The following GBF1 variants were observed in gnomAD, a reference collection of about 807,000 sequenced individuals.
GBF1 encodes the protein golgi brefeldin A resistant guanine nucleotide exchange factor 1.
In GBF1, 114 loss-of-function variants were observed where a neutral mutation model predicts 210.5. That is an observed-to-expected ratio of 0.54 (90% CI 0.47 to 0.63). The LOEUF is 0.63. Among genes scored for constraint, GBF1 ranks in the 30% least tolerant of loss-of-function variants. The pLI, the probability that GBF1 is intolerant of heterozygous loss-of-function variation, is 0.00. For missense variants in GBF1, 1,851 were observed against 2,357.7 expected (o/e 0.79, Z 4.45); for synonymous variants, 850 against 889.2 (o/e 0.96, Z 0.78).
At chr10:102,369,600 T>C in intron 24 of GBF1, 111 bp from the exon 25 acceptor site, 2 of 1,040,188 alleles carry the variant, frequency 1.9e-6, no homozygotes, top group Non-Finnish European at 2.9e-6. Flanking sequence ...ATTGGCACAA[T>C]AGCATAGGGG....
intron 3 of GBF1, among the ~76,000 whole-genome samples, chr10:102,331,932 T>C (rs1239781635): frequency 6.9e-6 from 1 of 144,744 alleles, no homozygotes; most frequent in African/African-American, 2.6e-5. Flanking sequence ...CAGTCTTGGC[T>C]CACTGCAACC....
At chr10:102,368,899 A>C in intron 23 of GBF1, 67 bp downstream of exon 23, 1 of 1,075,472 alleles carries the variant, frequency 9.3e-7, no homozygotes, top group Non-Finnish European at 1.4e-6. Context: ...CCATGGATCT[A>C]CCCTTATCAA....
At chr10:102,230,730 G>A in the GBF1 span, 1 of 1,510,022 alleles carries the variant, frequency 6.6e-7, no homozygotes, top group Non-Finnish European at 8.8e-7. Context: ...CGGCCCCGGA[G>A]GACACGGCGG....
intron 29 of GBF1, among the ~76,000 whole-genome samples, chr10:102,373,704 C>T (rs540108506): frequency 1.5e-4 from 23 of 152,342 alleles, no homozygotes; most frequent in African/African-American, 5.3e-4. Context: ...TAAAATGGTA[C>T]AGCTACTCTG....
chr10:102,380,401 C>G (rs773316253), intron 37 of GBF1, 39 bp downstream of exon 37: 8 of 1,576,790 alleles, frequency 5.1e-6, no homozygotes, highest in East Asian at 4.5e-5. Flanking sequence ...CCTCCTGTCC[C>G]ACCTGTTGGA....
intron 3 of GBF1, among the ~76,000 whole-genome samples, chr10:102,284,391 C>T (rs1377510786): frequency 6.6e-6 from 1 of 152,124 alleles, no homozygotes; most frequent in East Asian, 1.9e-4. Flanking sequence ...AAAGGAAATC[C>T]TGTACCCATT....
intron 3 of GBF1, among the ~76,000 whole-genome samples, chr10:102,314,864 A>G (rs772225896): frequency 6.6e-6 from 1 of 152,214 alleles, no homozygotes; most frequent in Non-Finnish European, 1.5e-5. Flanking sequence ...TAATCAGGCA[A>G]GTCTGACATT....
At position 102,262,900 on chromosome 10, in the gene GBF1, G is replaced by C. The variant is rs182877437; in HGVS notation, c.163+2784G>C. 3.3e-5 allele frequency among the ~76,000 whole-genome samples: 5 copies of C among 152,310 alleles called. No individual in the cohort carries two copies. In the East Asian group the frequency reaches 9.6e-4, roughly 29 times the overall value. ...TGTTCAGGAGCCATTTCTCTCATTGGTGGTAGGAACATCTCTGGGTGTTGC... is the reference window on the plus strand; with the variant it reads ...TGTTCAGGAGCCATTTCTCTCATTGCTGGTAGGAACATCTCTGGGTGTTGC... On this transcript the variant is annotated intron_variant, in intron 3 of 39. Transcript: ENST00000369983.
intron 3 of GBF1, among the ~76,000 whole-genome samples, chr10:102,337,588 A>T (rs2057854187): frequency 6.6e-6 from 1 of 152,162 alleles, no homozygotes. Flanking sequence ...GTGGAGACTC[A>T]CGCCTGTAAT....
intron 11 of GBF1, among the ~76,000 whole-genome samples, chr10:102,359,942 C>G (rs2059501943): frequency 6.6e-6 from 1 of 151,834 alleles, no homozygotes; most frequent in Non-Finnish European, 1.5e-5. Flanking sequence ...TTTAAAAAAT[C>G]TTCTGTAGAG....
intron 33 of GBF1, among the ~76,000 whole-genome samples, chr10:102,377,744 C>A (rs1326977321): frequency 6.6e-6 from 1 of 152,152 alleles, no homozygotes; most frequent in African/African-American, 2.4e-5. Context: ...GTTTCCAATC[C>A]ATTCCTGTCC....
the GBF1 span, among the ~76,000 whole-genome samples, chr10:102,238,333 A>G: frequency 6.6e-6 from 1 of 152,320 alleles, no homozygotes; most frequent in East Asian, 1.9e-4. Context: ...AGTCAGCTCT[A>G]GCCTGCTGCG....
At chr10:102,375,698 T>C in intron 30 of GBF1, 114 bp downstream of exon 30, 1 of 683,718 alleles carries the variant, frequency 1.5e-6, no homozygotes, top group South Asian at 1.7e-5. Context: ...CAGCCCTGGC[T>C]CCTGCCATCA....
the GBF1 span, among the ~76,000 whole-genome samples, chr10:102,239,310 C>T: frequency 6.6e-6 from 1 of 152,242 alleles, no homozygotes; most frequent in Non-Finnish European, 1.5e-5. Flanking sequence ...GATACCACCT[C>T]TTTGGCCTTT....
At chr10:102,321,695 G>A (rs768647699) in intron 3 of GBF1, among the ~76,000 whole-genome samples, 6 of 152,040 alleles carry the variant, frequency 3.9e-5, no homozygotes, top group African/African-American at 9.7e-5. Context: ...TCAGCCTCCC[G>A]AGTAGCTGGG....
At chr10:102,250,679 G>A (rs967663679) in intron 1 of GBF1, among the ~76,000 whole-genome samples, 9 of 152,114 alleles carry the variant, frequency 5.9e-5, no homozygotes, top group Non-Finnish European at 1.0e-4. Context: ...TTAAGAGGCC[G>A]GGCGTGGTAG....
intron 11 of GBF1, 88 bp from the exon 12 acceptor site, chr10:102,360,096 A>G (rs1244201807): frequency 6.1e-6 from 5 of 820,426 alleles, no homozygotes; most frequent in Non-Finnish European, 1.1e-5. Context: ...CTTACCTAAA[A>G]TTGCCTTGTG....
chr10:102,275,796 C>A (rs1005457786), intron 3 of GBF1, among the ~76,000 whole-genome samples: 1 of 152,162 alleles, frequency 6.6e-6, no homozygotes, highest in Non-Finnish European at 1.5e-5. Context: ...AAAAAAAGTT[C>A]TTGGTTCAGT....
rs775054041 is a variant in GBF1 at position 102,376,708 on chromosome 10, T to G, written c.4196T>G (p.Phe1399Cys). ...CTTAAGTGTGTGGAATCGCTGTCCT[T>G]CATTGTGCGTGATGCTGCCCACATC... is the stretch of plus-strand genomic sequence containing the variant. ...SLLKCVESLS[F>C]IVRDAAHITP... The change falls in exon 32 of 40, where the codon TTC (phenylalanine) becomes TGC (cysteine). Residue 1399 changes from phenylalanine to cysteine, a missense_variant. Physicochemically the swap from Phe to Cys is radical, Grantham distance 205. Around this residue, in one of 3 missense-constraint regions of GBF1, gnomAD observed 967 missense variants for 1,247.7 expected, o/e 0.78. Coordinates refer to ENST00000369983, the MANE Select transcript of GBF1 (RefSeq NM_001377137.1). 1 of 1,613,338 alleles carries G rather than the reference T, an allele frequency of 6.2e-7. No homozygotes were observed. The highest frequency in any genetic ancestry group is 8.5e-7 in the Non-Finnish European group (1 of 1,179,884).
Sources: gnomAD v4.1 joint callset for allele counts (sites outside exome capture counted in the v4.1 genomes callset) on GRCh38, gnomAD v4.1.1 for gene constraint, gnomAD v4.1.1 regional missense constraint, MANE v1.5 for transcripts, NCBI Gene and HGNC (gene_info 2026-07-23, HGNC 2026-07-21) for gene names.